CELA1: variants seen among roughly 807,000 people sequenced by gnomAD.
The protein encoded by CELA1 is chymotrypsin-like elastase family member 1.
Under a neutral mutation model 34.8 loss-of-function variants are expected in CELA1, and 28 were observed. The ratio of observed to expected loss-of-function variants is 0.80; its 90% confidence interval spans 0.60 to 1.10. The LOEUF (loss-of-function observed/expected upper bound fraction) is 1.10. CELA1 is among the 50% of genes least tolerant of loss of function. CELA1 has a pLI of 0.00. For synonymous variants in CELA1, 140 were observed against 129.8 expected (o/e 1.08, Z -0.53); for missense variants, 288 against 327.5 (o/e 0.88, Z 0.93).
At chr12:51,337,721 C>A (rs1357102334) in intron 6 of CELA1, among the ~76,000 whole-genome samples, 1 of 151,162 alleles carries the variant, frequency 6.6e-6, no homozygotes, top group African/African-American at 2.4e-5. Context: ...CCAGCCTGGG[C>A]AACATGGTGA....
intron 6 of CELA1, among the ~76,000 whole-genome samples, chr12:51,333,675 G>T (rs1351471914): frequency 6.6e-6 from 1 of 152,104 alleles, no homozygotes; most frequent in Non-Finnish European, 1.5e-5. Context: ...TTATAGGCAT[G>T]AGCCACCACG....
intron 3 of CELA1, 83 bp from the exon 4 acceptor site, chr12:51,342,783 CT>C (rs912803774): frequency 2.0e-4 from 262 of 1,331,962 alleles, no homozygotes; most frequent in South Asian, 2.9e-4. Flanking sequence ...GAAAAACCAT[CT>C]TTTTTTTTAA....
At chr12:51,343,351 G>C (rs914171202) in intron 3 of CELA1, among the ~76,000 whole-genome samples, 3 of 152,160 alleles carry the variant, frequency 2.0e-5, no homozygotes, top group Non-Finnish European at 4.4e-5. Flanking sequence ...GTGCCTTCCA[G>C]GTGATTCTGA....
rs201987434 is a variant in CELA1 at position 51,329,728 on chromosome 12, T to C, written c.715A>G (p.Thr239Ala). ...TAAGCAGAGACCTGGGTGAAGACTG[T>C]AGGCTTCCTGGAGACATTACAGCCC... is the stretch of plus-strand genomic sequence containing the variant. ...SRGCNVSRKP[T>A]VFTQVSAYIS... is the part of the protein sequence containing the mutation. The change falls in exon 7 of 8, where the codon ACA (threonine) becomes GCA (alanine). Residue 239 changes from threonine to alanine, a missense_variant. Coordinates refer to ENST00000293636, the MANE Select transcript of CELA1 (RefSeq NM_001971.6). The C allele has an allele frequency of 2.8e-5, 45 of 1,613,958 alleles. No individual in the cohort carries two copies. The African/African-American group carries it at 5.7e-4, about 21-fold the overall frequency.
chr12:51,344,749 C>G (rs1216617655), intron 2 of CELA1, among the ~76,000 whole-genome samples: 1 of 152,100 alleles, frequency 6.6e-6, no homozygotes, highest in Non-Finnish European at 1.5e-5. Context: ...TCACCTAAGC[C>G]CAACAGGCTT....
rs2137473636 is a variant in CELA1, at chr12:51,329,819, G to GC, written c.623dup (p.Leu210ProfsTer24). 1 of 1,611,284 alleles carries GC rather than the reference G, an allele frequency of 6.2e-7. No homozygotes were observed. The highest frequency in any genetic ancestry group is 8.5e-7 in the Non-Finnish European group (1 of 1,179,016). ...TGCCATTCACCAAGCAATGGAGGGG[G>GC]CCCCCAGAGTCACCCTGCAGGGAGG... On this transcript the variant is annotated frameshift_variant, in exon 7 of 8. Coordinates refer to ENST00000293636, the MANE Select transcript of CELA1 (RefSeq NM_001971.6). LOFTEE classifies it high-confidence loss of function.
intron 6 of CELA1, among the ~76,000 whole-genome samples, chr12:51,333,974 TC>T (rs887050439): frequency 6.6e-6 from 1 of 152,066 alleles, no homozygotes; most frequent in Non-Finnish European, 1.5e-5. Flanking sequence ...GGAAAAGAAA[TC>T]AGTGGGGATG....
At chr12:51,329,518 C>G (rs1462426699) in intron 7 of CELA1, among the ~76,000 whole-genome samples, 166 bp downstream of exon 7, 2 of 151,896 alleles carry the variant, frequency 1.3e-5, no homozygotes, top group East Asian at 3.8e-4. Flanking sequence ...GGATGGCAGC[C>G]TTATTGAAGG....
chr12:51,332,682 T>C (rs1010601966), intron 6 of CELA1, among the ~76,000 whole-genome samples: 3 of 151,852 alleles, frequency 2.0e-5, no homozygotes, highest in Admixed American at 6.6e-5. Context: ...CTGGCCAACA[T>C]AGCGAAACCC....
At position 51,328,566 on chromosome 12, in the gene CELA1, C is replaced by G. The variant is rs1051448431; in HGVS notation, c.*11G>C. 2 of 1,614,016 alleles carry G rather than the reference C, an allele frequency of 1.2e-6. No individual in the cohort carries two copies. Among genetic ancestry groups the G allele is most frequent in the Admixed American group, 1.7e-5 (1 of 60,006 alleles). On this transcript the variant is annotated 3_prime_UTR_variant, in exon 8 of 8. Transcript: ENST00000293636. ...ACCATTTTGGGAAGGTCGTTGGACT[C>G]AGGAAAATGTTCAGTTGGAGGCGAT...
At chr12:51,339,608 T>C (rs1338865461) in intron 6 of CELA1, among the ~76,000 whole-genome samples, 2 of 152,046 alleles carry the variant, frequency 1.3e-5, no homozygotes, top group Non-Finnish European at 2.9e-5. Context: ...AACAACAACA[T>C]ATAAATGTTG....
At chr12:51,345,393 C>CGT (rs149535487) in intron 2 of CELA1, among the ~76,000 whole-genome samples, 376 of 150,800 alleles carry the variant, frequency 2.5e-3, no homozygotes, top group South Asian at 9.2e-3. Context: ...GCATGCTGTA[C>CGT]GTGTGTGTGT....
chr12:51,334,996 A>C (rs1279695839), intron 6 of CELA1, among the ~76,000 whole-genome samples: 1 of 152,158 alleles, frequency 6.6e-6, no homozygotes, highest in Admixed American at 6.5e-5. Context: ...CTTCATTTTC[A>C]GCAGTCAAGT....
chr12:51,328,476 A>C lies in CELA1; in HGVS notation c.*101T>G, dbSNP rs947273447. On this transcript the variant is annotated 3_prime_UTR_variant, in exon 8 of 8. Coordinates refer to ENST00000293636, the MANE Select transcript of CELA1 (RefSeq NM_001971.6). Reference sequence around the variant, plus strand: ...TCTAGTTTTATTTGCTTTTCTATCAATGGCTCAATAGTCTTTCAGAATGTG... The same window carrying C: ...TCTAGTTTTATTTGCTTTTCTATCACTGGCTCAATAGTCTTTCAGAATGTG... 3 of 1,236,878 alleles carry C rather than the reference A, an allele frequency of 2.4e-6. No individual in the cohort carries two copies. In the African/African-American group the frequency reaches 4.4e-5, roughly 18 times the overall value. The allele number at this position is 1,236,878 out of a possible 1,614,324, so 76.6% of individuals were successfully genotyped here. A position where few individuals can be genotyped will look rare whatever the true frequency, so the allele number is the denominator to read the frequency against.
Position 51,338,279 on chromosome 12 carries a change from CACACACACAT to C in CELA1, c.609+1571_609+1580del, listed in dbSNP as rs1169883287. 9.6e-3 allele frequency among the ~76,000 whole-genome samples: 471 copies of C among 49,000 alleles called. 1 individual carries two copies. The highest frequency in any genetic ancestry group is 0.017 in the Non-Finnish European group (391 of 23,584). The allele number at this position is 49,000 out of a possible 152,430, so 32.1% of individuals were successfully genotyped here. On this transcript the variant is annotated intron_variant, in intron 6 of 7. Coordinates refer to ENST00000293636, the MANE Select transcript of CELA1 (RefSeq NM_001971.6). ...ATACACACACACACACACACACACACACACACACATACACATACGCATACATATATATATA... is the reference window on the plus strand; with the variant it reads ...ATACACACACACACACACACACACACACACATACGCATACATATATATATA...
intron 1 of CELA1, 46 bp downstream of exon 1, chr12:51,346,577 A>G: frequency 6.5e-7 from 1 of 1,534,594 alleles, no homozygotes; most frequent in Admixed American, 1.8e-5. Context: ...CACATGATCC[A>G]CTTACCATAA....
intron 6 of CELA1, among the ~76,000 whole-genome samples, chr12:51,333,633 T>G (rs990698202): frequency 3.3e-5 from 5 of 151,912 alleles, no homozygotes; most frequent in Admixed American, 1.3e-4. Context: ...GTTTAAGTGA[T>G]CCTCCCACCT....
At chr12:51,340,842 C>CA (rs1946529888) in intron 5 of CELA1, among the ~76,000 whole-genome samples, 1 of 152,000 alleles carries the variant, frequency 6.6e-6, no homozygotes, top group Non-Finnish European at 1.5e-5. Flanking sequence ...CCCATCTCTA[C>CA]AAAAAAATTT....
intron 6 of CELA1, among the ~76,000 whole-genome samples, chr12:51,333,294 A>T (rs1404942991): frequency 6.6e-6 from 1 of 151,510 alleles, no homozygotes; most frequent in South Asian, 2.1e-4. Context: ...GAGTTTCACT[A>T]TGTTGGTCAG....
Sources: gnomAD v4.1 joint callset for allele counts (sites outside exome capture counted in the v4.1 genomes callset) on GRCh38, gnomAD v4.1.1 for gene constraint, MANE v1.5 for transcripts, NCBI Gene and HGNC (gene_info 2026-07-23, HGNC 2026-07-21) for gene names.